LHFPL3: variants seen among roughly 807,000 people sequenced by gnomAD.
LHFPL3 encodes LHFPL tetraspan subfamily member 3 protein.
LHFPL3 carries 5 observed loss-of-function variants against 19.3 expected under a neutral mutation model. The observed-to-expected ratio is 0.26, with a 90% CI of 0.14 to 0.54. The LOEUF is 0.54. Among genes scored for constraint, LHFPL3 ranks in the 20% least tolerant of loss-of-function variants. The probability of loss-of-function intolerance (pLI) is 0.94; values close to 1 mark genes in which losing one functional copy is unlikely to be tolerated. For synonymous variants in LHFPL3, 133 were observed against 126.2 expected (o/e 1.05, Z -0.36); for missense variants, 249 against 307.4 (o/e 0.81, Z 1.42).
In LHFPL3 at chr7:104,449,225, G is replaced by A. The variant is rs58508368; in HGVS notation, c.445+120001G>A. Reference sequence around the variant, plus strand: ...GATTTCTAACAAAGCAATCCATTAGGATGTAGACAGAGTTCCTACACACTG... The same window carrying A: ...GATTTCTAACAAAGCAATCCATTAGAATGTAGACAGAGTTCCTACACACTG... On this transcript the variant is annotated intron_variant, in intron 1 of 2. Transcript: ENST00000424859. Among the ~76,000 whole-genome samples the A allele has an allele frequency of 5.5e-3, 838 of 152,282 alleles. 50 individuals carry two copies. In the East Asian group the frequency reaches 0.13, roughly 24 times the overall value.
At chr7:104,400,847 C>T (rs192801069) in intron 1 of LHFPL3, among the ~76,000 whole-genome samples, 1,543 of 152,288 alleles carry the variant, frequency 0.01, 13 homozygotes, top group Middle Eastern at 0.027. Flanking sequence ...CATTATATAT[C>T]ATTTGGAATC....
intron 2 of LHFPL3, among the ~76,000 whole-genome samples, chr7:104,897,216 G>C (rs142399913): frequency 5.5e-4 from 84 of 152,250 alleles, no homozygotes; most frequent in African/African-American, 1.9e-3. Flanking sequence ...TGGCTAACCA[G>C]TGTCAGCCAG....
intron 1 of LHFPL3, among the ~76,000 whole-genome samples, chr7:104,557,595 A>G (rs1789873431): frequency 6.6e-6 from 1 of 152,208 alleles, no homozygotes. Context: ...GCCAAACCAT[A>G]TCAGCATCCC....
At chr7:104,512,628 C>T (rs564662448) in intron 1 of LHFPL3, among the ~76,000 whole-genome samples, 36 of 151,990 alleles carry the variant, frequency 2.4e-4, no homozygotes, top group African/African-American at 7.2e-4. Flanking sequence ...CCCAGCTACT[C>T]GGGAGGCTGA....
At chr7:104,827,224 C>G (rs1282022252) in intron 2 of LHFPL3, among the ~76,000 whole-genome samples, 1 of 152,012 alleles carries the variant, frequency 6.6e-6, no homozygotes, top group Non-Finnish European at 1.5e-5. Context: ...TGTGGTACCT[C>G]TTCGGTCAGA....
intron 1 of LHFPL3, among the ~76,000 whole-genome samples, chr7:104,368,476 G>A (rs1338526574): frequency 6.6e-6 from 1 of 152,214 alleles, no homozygotes; most frequent in African/African-American, 2.4e-5. Context: ...GAATGCAGTG[G>A]ATGAGGTAGG....
intron 1 of LHFPL3, among the ~76,000 whole-genome samples, chr7:104,600,429 C>T (rs73179995): frequency 0.051 from 7,803 of 152,294 alleles, 247 homozygotes; most frequent in East Asian, 0.11. Flanking sequence ...ATTATTGTCA[C>T]ACACGTTCTA....
chr7:104,491,866 C>T (rs1031779923), intron 1 of LHFPL3, among the ~76,000 whole-genome samples: 1 of 152,100 alleles, frequency 6.6e-6, no homozygotes, highest in African/African-American at 2.4e-5. Flanking sequence ...CAACACAGAA[C>T]ACAAAATACA....
At chr7:104,522,503 T>A (rs971793028) in intron 1 of LHFPL3, among the ~76,000 whole-genome samples, 2 of 151,822 alleles carry the variant, frequency 1.3e-5, no homozygotes, top group Non-Finnish European at 1.5e-5. Context: ...AACCTGCACA[T>A]TGTGCACATG....
At chr7:104,529,982 G>C (rs759332512) in intron 1 of LHFPL3, among the ~76,000 whole-genome samples, 2 of 152,190 alleles carry the variant, frequency 1.3e-5, no homozygotes, top group Non-Finnish European at 2.9e-5. Context: ...ATTGCTCCAT[G>C]AGAGAGGATT....
At chr7:104,430,425 T>TAC (rs1562895237) in intron 1 of LHFPL3, among the ~76,000 whole-genome samples, 4 of 12,274 alleles carry the variant, frequency 3.3e-4, no homozygotes, top group Non-Finnish European at 5.5e-4. Flanking sequence ...TATACATATA[T>TAC]ATATATATAT....
At chr7:104,777,513 G>A (rs1794653307) in intron 2 of LHFPL3, among the ~76,000 whole-genome samples, 1 of 152,180 alleles carries the variant, frequency 6.6e-6, no homozygotes, top group Non-Finnish European at 1.5e-5. Context: ...GAGCCACAGG[G>A]CTATTCCTAA....
intron 1 of LHFPL3, among the ~76,000 whole-genome samples, chr7:104,700,081 A>T (rs1793073665): frequency 1.3e-5 from 2 of 152,224 alleles, no homozygotes; most frequent in Non-Finnish European, 2.9e-5. Flanking sequence ...CACCCCTGGG[A>T]AGCCCACCAT....
intron 1 of LHFPL3, among the ~76,000 whole-genome samples, chr7:104,707,271 C>G (rs977017455): frequency 6.6e-6 from 1 of 152,200 alleles, no homozygotes; most frequent in Admixed American, 6.5e-5. Flanking sequence ...GGTTTTCTAA[C>G]CATCCAGTTC....
At chr7:104,572,352 G>A (rs1790245635) in intron 1 of LHFPL3, among the ~76,000 whole-genome samples, 2 of 152,188 alleles carry the variant, frequency 1.3e-5, no homozygotes, top group African/African-American at 4.8e-5. Context: ...TTTAGAGCAA[G>A]AGAGAAATAT....
chr7:104,757,169 A>G (rs890065214), intron 2 of LHFPL3, among the ~76,000 whole-genome samples: 17 of 152,238 alleles, frequency 1.1e-4, no homozygotes, highest in Non-Finnish European at 2.1e-4. Context: ...GGAAGAATCA[A>G]ACTGGACCCT....
intron 2 of LHFPL3, among the ~76,000 whole-genome samples, chr7:104,852,871 C>A (rs1791438033): frequency 6.6e-6 from 1 of 152,158 alleles, no homozygotes; most frequent in African/African-American, 2.4e-5. Flanking sequence ...CCCAGTCCCA[C>A]CCCCACCTTC....
chr7:104,526,667 A>G (rs569603968), intron 1 of LHFPL3, among the ~76,000 whole-genome samples: 1 of 152,214 alleles, frequency 6.6e-6, no homozygotes, highest in Non-Finnish European at 1.5e-5. Context: ...ACTTTTGTTG[A>G]TGTTGCAATT....
chr7:104,862,638 G>GA (rs397946703), intron 2 of LHFPL3, among the ~76,000 whole-genome samples: 2 of 62 alleles, frequency 0.032, no homozygotes, highest in East Asian at 0.5. Flanking sequence ...TGGTCCCGCA[G>GA]TGCCCAAACC....
Sources: allele counts gnomAD v4.1 joint callset (sites outside exome capture counted in the v4.1 genomes callset), GRCh38; gene constraint gnomAD v4.1.1; transcripts MANE v1.5; gene names NCBI Gene and HGNC (gene_info 2026-07-23, HGNC 2026-07-21).